Variants in UBN2 observed in about 807,000 individuals in gnomAD.
UBN2 encodes ubinuclein-2.
In UBN2, 35 loss-of-function variants were observed where a neutral mutation model predicts 120.2. The ratio of observed to expected loss-of-function variants is 0.29; its 90% CI spans 0.22 to 0.39. UBN2 has a LOEUF of 0.39. UBN2 is among the 10% of genes least tolerant of loss of function. The pLI, the probability that UBN2 is intolerant of heterozygous loss-of-function variation, is 1.00. For synonymous variants in UBN2, 661 were observed against 648.7 expected, an observed-to-expected ratio of 1.02 and a Z score of -0.29; for missense variants, 1,693 against 1,663.2, an observed-to-expected ratio of 1.02 and a Z score of -0.31.
rs1292542882 is a variant in UBN2, at chr7:139,300,042, T to C, written c.*2206T>C. 1 of 152,186 alleles carries C rather than the reference T, an allele frequency of 6.6e-6. No homozygotes were observed. The highest frequency in any genetic ancestry group is 1.9e-4 in the East Asian group (1 of 5,198). The allele number at this position is 152,186 out of a possible 1,614,324, so 9.4% of individuals were successfully genotyped here. On this transcript the variant is annotated 3_prime_UTR_variant, in exon 18 of 18. Coordinates refer to ENST00000473989, the MANE Select transcript of UBN2 (RefSeq NM_173569.4). ...GTTTGAGTCAAAAAATCATTTGAAT[T>C]TCTTAAAACCATCAATTCTGAATCA...
chr7:139,238,649 T>G (rs1424908324), intron 2 of UBN2, among the ~76,000 whole-genome samples: 1 of 152,212 alleles, frequency 6.6e-6, no homozygotes, highest in African/African-American at 2.4e-5. Context: ...CTCGAACTCC[T>G]GACCTCAACT....
At chr7:139,321,970 TAGAAAAAG>T in the UBN2 span, among the ~76,000 whole-genome samples, 2 of 151,530 alleles carry the variant, frequency 1.3e-5, no homozygotes, top group African/African-American at 4.8e-5. Context: ...GACTAATAAC[TAGAAAAAG>T]AGACTTTTTT....
chr7:139,234,868 C>T (rs1796121585), intron 1 of UBN2, among the ~76,000 whole-genome samples: 1 of 152,052 alleles, frequency 6.6e-6, no homozygotes, highest in Admixed American at 6.5e-5. Flanking sequence ...TGAAAGACCT[C>T]CTGAAAATGG....
rs754222703 is a variant in UBN2, at chr7:139,297,754, G to A, written c.3995-33G>A. 22 of 1,609,256 alleles carry A rather than the reference G, an allele frequency of 1.4e-5. 1 individual carries two copies. The South Asian group carries it at 2.3e-4, about 17-fold the overall frequency. On this transcript the variant is annotated intron_variant, in intron 17 of 17. Transcript: ENST00000473989. ...TGTTAGCTGGTTTTTGTAACATATG[G>A]ACCCATACCAATTTAACGTCTCTTT...
rs1260368733 is a variant in UBN2, at chr7:139,231,313, T to C, written c.-172T>C. Among the ~76,000 whole-genome samples the C allele has an allele frequency of 6.6e-6, 1 of 151,900 alleles. No homozygotes were observed. Among genetic ancestry groups the C allele is most frequent in the Non-Finnish European group, 1.5e-5 (1 of 67,942 alleles). The stretch of plus-strand genomic sequence containing the variant: ...GATGGCGGTGAAGCCCATCAGAACG[T>C]AGTAGCGGGGAAGGGGACACGGTCC... On this transcript the variant is annotated 5_prime_UTR_variant, in exon 1 of 18. It removes the in-frame stop codon of an upstream open reading frame in the 5' UTR. Transcript: ENST00000473989.
chr7:139,291,023 ATTAG>A (rs1295497747), intron 15 of UBN2, among the ~76,000 whole-genome samples: 1 of 152,234 alleles, frequency 6.6e-6, no homozygotes, highest in African/African-American at 2.4e-5. Flanking sequence ...GCTAACATTC[ATTAG>A]TTATTTTTAA....
rs1244288845 is a variant in UBN2, at chr7:139,302,075, T to A, written c.*4239T>A. On this transcript the variant is annotated 3_prime_UTR_variant, in exon 18 of 18. Transcript: ENST00000473989. The stretch of plus-strand genomic sequence containing the variant: ...AACATGCTCAATTCAGGCCTTTGTC[T>A]TTGTTAAGTGCCTTTTTTCTTTCTT... 1.3e-5 allele frequency: 2 copies of A among 152,216 alleles called. No individual in the cohort carries two copies. The highest frequency in any genetic ancestry group is 2.9e-5 in the Non-Finnish European group (2 of 68,042). The allele number at this position is 152,216 out of a possible 1,614,324, so 9.4% of individuals were successfully genotyped here. A position where few individuals can be genotyped will look rare whatever the true frequency, so the allele number is the denominator to read the frequency against.
chr7:139,293,888 GATTT>G lies in UBN2; in HGVS notation c.3903_3906del (p.Leu1302Ter). On this transcript the variant is annotated frameshift_variant and splice_region_variant, in exon 17 of 18. Coordinates refer to ENST00000473989, the MANE Select transcript of UBN2 (RefSeq NM_173569.4). LOFTEE classifies it high-confidence loss of function. ...GACTGACAAGTCTGTTTTCCTCTCA[GATTT>G]ACTAAAGGGTTTACAGCCAGGAGGA... The G allele has an allele frequency of 6.2e-7, 1 of 1,613,936 alleles. No homozygotes were observed. The highest frequency in any genetic ancestry group is 8.5e-7 in the Non-Finnish European group (1 of 1,179,912).
At chr7:139,312,987 A>G (rs974447325), downstream of UBN2, among the ~76,000 whole-genome samples, 2 of 151,864 alleles carry the variant, frequency 1.3e-5, no homozygotes, top group Non-Finnish European at 2.9e-5. Context: ...GCTCTGTTCC[A>G]TTGTTCTTTT....
chr7:139,309,854 G>T (rs1012762473), downstream of UBN2, among the ~76,000 whole-genome samples: 2 of 152,008 alleles, frequency 1.3e-5, no homozygotes, highest in African/African-American at 2.4e-5. Flanking sequence ...CTGGGTGATT[G>T]TAAGTGTAAA....
chr7:139,269,603 CATTA>C, intron 8 of UBN2, 80 bp downstream of exon 8: 1 of 1,454,784 alleles, frequency 6.9e-7, no homozygotes. Flanking sequence ...GGCCTTTGCA[CATTA>C]ATTGATTTAT....
rs1173323104 is a variant in UBN2 at position 139,308,198 on chromosome 7, GT to G, written c.*10365del. ...TTTTTTCTTTTTGTATATGTTACGT[GT>G]TTGTTGTTGTATTAAATAAAGAGGA... On this transcript the variant is annotated 3_prime_UTR_variant, in exon 18 of 18. Transcript: ENST00000473989. 1.3e-5 allele frequency: 2 copies of G among 151,892 alleles called. No individual in the cohort carries two copies. Among genetic ancestry groups the G allele is most frequent in the African/African-American group, 2.4e-5 (1 of 41,330 alleles). The allele number at this position is 151,892 out of a possible 1,614,324, so 9.4% of individuals were successfully genotyped here.
chr7:139,260,157 G>A (rs535075428), intron 5 of UBN2, among the ~76,000 whole-genome samples: 1 of 151,586 alleles, frequency 6.6e-6, no homozygotes, highest in African/African-American at 2.4e-5. Context: ...GGAGTGCACT[G>A]GCACAATCAT....
Position 139,274,676 on chromosome 7 carries a change from C to A in UBN2, c.1973+602C>A, listed in dbSNP as rs190846877. On this transcript the variant is annotated intron_variant, in intron 11 of 17. Coordinates refer to ENST00000473989, the MANE Select transcript of UBN2 (RefSeq NM_173569.4). ...ACTAGGGAGGCTGAGACAGGAGAAT[C>A]GCTTGAACCCCAGAGGTGGAGGTTG... 7.2e-5 allele frequency among the ~76,000 whole-genome samples: 11 copies of A among 151,768 alleles called. No individual in the cohort carries two copies. In the East Asian group the frequency reaches 1.9e-3, roughly 27 times the overall value.
At chr7:139,288,729 C>T (rs1030588025) in intron 15 of UBN2, among the ~76,000 whole-genome samples, 9 of 151,910 alleles carry the variant, frequency 5.9e-5, no homozygotes, top group Admixed American at 2.6e-4. Context: ...TGCGGCCGGT[C>T]GTGGTGGCTC....
intron 11 of UBN2, among the ~76,000 whole-genome samples, chr7:139,274,710 C>G (rs554897701): frequency 6.7e-6 from 1 of 150,100 alleles, no homozygotes; most frequent in Admixed American, 6.7e-5. Flanking sequence ...TGTGGTGAGC[C>G]GAGATTGCAC....
rs1797101759 is a variant in UBN2 at position 139,266,418 on chromosome 7, TTAAAAA to T, written c.1466+16_1466+21del. 7.1e-7 allele frequency: 1 copy of T among 1,414,474 alleles called. No individual in the cohort carries two copies. The highest frequency in any genetic ancestry group is 9.7e-7 in the Non-Finnish European group (1 of 1,025,682). The allele number at this position is 1,414,474 out of a possible 1,614,324, so 87.6% of individuals were successfully genotyped here. ...ATTCTTCTGGAGTAAGTAATTTTCT[TTAAAAA>T]AAAAAACCTTAAGAATGATACATTA... On this transcript the variant is annotated intron_variant, in intron 7 of 17. Coordinates refer to ENST00000473989, the MANE Select transcript of UBN2 (RefSeq NM_173569.4).
rs1424768800 is a variant in UBN2 at position 139,301,010 on chromosome 7, A to G, written c.*3174A>G. 1.3e-5 allele frequency: 2 copies of G among 151,898 alleles called. No homozygotes were observed. The highest frequency in any genetic ancestry group is 3.8e-4 in the East Asian group (2 of 5,204). The allele number at this position is 151,898 out of a possible 1,614,324, so 9.4% of individuals were successfully genotyped here. A position where few individuals can be genotyped will look rare whatever the true frequency, so the allele number is the denominator to read the frequency against. ...GAAGAAAAAGGTTTTGGGAAAGGAAATGAGGCTAATCTGTAGTCATAAAAT... is the reference window on the plus strand; with the variant it reads ...GAAGAAAAAGGTTTTGGGAAAGGAAGTGAGGCTAATCTGTAGTCATAAAAT... On this transcript the variant is annotated 3_prime_UTR_variant, in exon 18 of 18. Coordinates refer to ENST00000473989, the MANE Select transcript of UBN2 (RefSeq NM_173569.4).
intron 3 of UBN2, among the ~76,000 whole-genome samples, chr7:139,256,039 A>G (rs1796755457): frequency 6.6e-6 from 1 of 152,216 alleles, no homozygotes; most frequent in Admixed American, 6.5e-5. Flanking sequence ...TAGGCAAAGA[A>G]TCTAAATCCA....
Sources: allele counts gnomAD v4.1 joint callset (sites outside exome capture counted in the v4.1 genomes callset), GRCh38; gene constraint gnomAD v4.1.1; transcripts MANE v1.5; gene names NCBI Gene and HGNC (gene_info 2026-07-23, HGNC 2026-07-21).